PIK3R3: variants seen among roughly 807,000 people sequenced by gnomAD.
PIK3R3 encodes the protein phosphoinositide-3-kinase regulatory subunit 3.
PIK3R3 carries 64 observed loss-of-function variants against 62.9 expected under a neutral mutation model. The observed-to-expected ratio is 1.02, with a 90% CI of 0.83 to 1.25. The LOEUF (loss-of-function observed/expected upper bound fraction) is 1.25. PIK3R3 is among the 50% of genes most tolerant of loss of function. PIK3R3 has a pLI of 0.00. For synonymous variants in PIK3R3, 165 were observed against 189.0 expected (o/e 0.87, Z 1.04); for missense variants, 614 against 561.6 (o/e 1.09, Z -0.94).
At chr1:46,168,032 T>C in the PIK3R3 span, among the ~76,000 whole-genome samples, 1 of 152,122 alleles carries the variant, frequency 6.6e-6, no homozygotes, top group South Asian at 2.1e-4. Context: ...GGCGCATGCT[T>C]GTAACCTCAG....
intron 1 of PIK3R3, among the ~76,000 whole-genome samples, chr1:46,100,397 T>G (rs1163413678): frequency 1.3e-5 from 2 of 152,208 alleles, no homozygotes; most frequent in African/African-American, 4.8e-5. Flanking sequence ...CAGTCCATCA[T>G]CTCCTTACTC....
the PIK3R3 span, among the ~76,000 whole-genome samples, chr1:46,143,529 G>A: frequency 2.0e-5 from 3 of 151,804 alleles, no homozygotes; most frequent in African/African-American, 7.3e-5. Context: ...CTGCAGCCTC[G>A]ACCTTGACTT....
chr1:46,080,357 C>T (rs1323224816), intron 2 of PIK3R3, among the ~76,000 whole-genome samples: 1 of 151,804 alleles, frequency 6.6e-6, no homozygotes, highest in African/African-American at 2.4e-5. Context: ...CCACTGCACC[C>T]GGCCTTAAAT....
the PIK3R3 span, among the ~76,000 whole-genome samples, chr1:46,166,432 G>A: frequency 2.0e-5 from 3 of 151,408 alleles, no homozygotes; most frequent in Admixed American, 2.0e-4. Flanking sequence ...CATGTTGGCC[G>A]GGCTGTTCTC....
At chr1:46,133,712 G>A (rs532466583), upstream of PIK3R3, among the ~76,000 whole-genome samples, 4 of 151,984 alleles carry the variant, frequency 2.6e-5, no homozygotes, top group Non-Finnish European at 4.4e-5. Flanking sequence ...GTTCCTCTGT[G>A]CTTCCCACCC....
chr1:46,141,694 AG>A, the PIK3R3 span, among the ~76,000 whole-genome samples: 1 of 152,250 alleles, frequency 6.6e-6, no homozygotes, highest in Admixed American at 6.5e-5. Flanking sequence ...ACTTTGTCAT[AG>A]ACTAGCTCTA....
chr1:46,132,433 G>C lies in PIK3R3; in HGVS notation c.-481C>G. The C allele has an allele frequency of 8.7e-7, 1 of 1,148,398 alleles. No individual in the cohort carries two copies. Among genetic ancestry groups the C allele is most frequent in the Non-Finnish European group, 1.1e-6 (1 of 921,186 alleles). 71.1% of individuals were successfully genotyped at this position (1,148,398 alleles called of 1,614,324 possible). ...GCTGGAGATTGCGTTCAAGTTTCGG[G>C]GTCCCACTGGTCTGCAGAGAGCGAA... On this transcript the variant is annotated 5_prime_UTR_variant, in exon 1 of 10. Coordinates refer to ENST00000262741, the MANE Select transcript of PIK3R3 (RefSeq NM_003629.4).
intron 3 of PIK3R3, among the ~76,000 whole-genome samples, chr1:46,068,963 G>C (rs1649254088): frequency 6.6e-6 from 1 of 152,206 alleles, no homozygotes; most frequent in South Asian, 2.1e-4. Flanking sequence ...GGAGGCAGCA[G>C]TAGAAGTGGA....
chr1:46,131,433 A>G (rs1655573062), intron 1 of PIK3R3, among the ~76,000 whole-genome samples: 1 of 152,242 alleles, frequency 6.6e-6, no homozygotes, highest in Non-Finnish European at 1.5e-5. Flanking sequence ...CAAGCTTTCA[A>G]GAATTCGCCC....
chr1:46,172,886 G>T, the PIK3R3 span, among the ~76,000 whole-genome samples: 1 of 152,140 alleles, frequency 6.6e-6, no homozygotes, highest in South Asian at 2.1e-4. Context: ...CCAGCTACTA[G>T]GGAGGCTGAG....
chr1:46,100,251 C>T (rs1332346157), intron 1 of PIK3R3, among the ~76,000 whole-genome samples: 1 of 152,128 alleles, frequency 6.6e-6, no homozygotes, highest in Non-Finnish European at 1.5e-5. Flanking sequence ...AAACATTCTC[C>T]CACTTTTTTC....
chr1:46,168,043 C>T, the PIK3R3 span, among the ~76,000 whole-genome samples: 73 of 152,240 alleles, frequency 4.8e-4, no homozygotes, highest in African/African-American at 1.8e-3. Context: ...GTAACCTCAG[C>T]TACTTGGGAG....
At chr1:46,067,585 T>C (rs1255172683) in intron 3 of PIK3R3, among the ~76,000 whole-genome samples, 1 of 152,128 alleles carries the variant, frequency 6.6e-6, no homozygotes, top group Non-Finnish European at 1.5e-5. Context: ...ATCACCAACA[T>C]ACTCAAGGTT....
chr1:46,083,765 A>G (rs1650818184), intron 1 of PIK3R3, among the ~76,000 whole-genome samples: 1 of 152,216 alleles, frequency 6.6e-6, no homozygotes, highest in African/African-American at 2.4e-5. Flanking sequence ...ACTATAATAA[A>G]AAAGACAGAT....
Position 46,045,946 on chromosome 1 carries a change from T to C in PIK3R3, c.1159A>G (p.Lys387Glu). The change falls in exon 9 of 10, where the codon AAG (lysine) becomes GAG (glutamate). Residue 387 changes from lysine to glutamate, a missense_variant. By Grantham distance (56) the Lys-to-Glu change is moderately conservative. Transcript: ENST00000262741. ...DGAFLIRESSKKGCYACSVVA... is the reference protein window; with the variant it reads ...DGAFLIRESSEKGCYACSVVA... ...ACAGAGCAAGCATAGCATCCTTTCTTGCTACTCTCACGAATTAAGAATGCA... is the reference window on the plus strand; with the variant it reads ...ACAGAGCAAGCATAGCATCCTTTCTCGCTACTCTCACGAATTAAGAATGCA... 1 of 1,613,710 alleles carries C rather than the reference T, an allele frequency of 6.2e-7. No individual in the cohort carries two copies. Among genetic ancestry groups the C allele is most frequent in the Non-Finnish European group, 8.5e-7 (1 of 1,179,834 alleles).
At chr1:46,100,549 A>G (rs543681625) in intron 1 of PIK3R3, among the ~76,000 whole-genome samples, 1 of 152,316 alleles carries the variant, frequency 6.6e-6, no homozygotes, top group South Asian at 2.1e-4. Flanking sequence ...TTTATAAATA[A>G]TGCTATGTGA....
chr1:46,164,625 G>A, the PIK3R3 span, among the ~76,000 whole-genome samples: 1 of 152,052 alleles, frequency 6.6e-6, no homozygotes, highest in Non-Finnish European at 1.5e-5. Context: ...GCGAAACTCC[G>A]TCTCAACAAC....
At chr1:46,049,708 A>AT (rs1647209618) in intron 7 of PIK3R3, among the ~76,000 whole-genome samples, 1 of 152,230 alleles carries the variant, frequency 6.6e-6, no homozygotes, top group African/African-American at 2.4e-5. Flanking sequence ...CTTCAGGATG[A>AT]CATTCTTACA....
At chr1:46,060,638 A>T (rs1179461842) in intron 6 of PIK3R3, among the ~76,000 whole-genome samples, 3 of 152,264 alleles carry the variant, frequency 2.0e-5, no homozygotes, top group Non-Finnish European at 4.4e-5. Context: ...ACCCAAGTTT[A>T]TACAGCTAAT....
Sources: allele counts gnomAD v4.1 joint callset (sites outside exome capture counted in the v4.1 genomes callset), GRCh38; gene constraint gnomAD v4.1.1; transcripts MANE v1.5; gene names NCBI Gene and HGNC (gene_info 2026-07-23, HGNC 2026-07-21).